Variants in TMEM217B observed in about 807,000 individuals in gnomAD.
TMEM217B encodes the protein transmembrane protein 217B.
the TMEM217B span, among the ~76,000 whole-genome samples, chr6:37,221,466 G>C: frequency 6.6e-6 from 1 of 151,958 alleles, no homozygotes; most frequent in African/African-American, 2.4e-5. Flanking sequence ...GGATTACAGG[G>C]GTGAGCCACC....
the TMEM217B span, among the ~76,000 whole-genome samples, chr6:37,253,999 G>T: frequency 6.6e-6 from 1 of 152,136 alleles, no homozygotes; most frequent in Non-Finnish European, 1.5e-5. Flanking sequence ...TGAAGTTGAG[G>T]GGGGGAAAGT....
At chr6:37,226,866 C>T in the TMEM217B span, among the ~76,000 whole-genome samples, 1 of 152,168 alleles carries the variant, frequency 6.6e-6, no homozygotes, top group South Asian at 2.1e-4. Flanking sequence ...GCACCCAGCC[C>T]AAGATCACCA....
chr6:37,255,808 T>G, the TMEM217B span, among the ~76,000 whole-genome samples: 1 of 151,940 alleles, frequency 6.6e-6, no homozygotes, highest in Non-Finnish European at 1.5e-5. Context: ...AAGATTAGGG[T>G]GACCAAGTGG....
the TMEM217B span, among the ~76,000 whole-genome samples, chr6:37,220,101 T>C: frequency 6.6e-6 from 1 of 152,024 alleles, no homozygotes; most frequent in Non-Finnish European, 1.5e-5. Context: ...AGGAAGAAAA[T>C]AAATAGAAGC....
chr6:37,245,438 T>C, the TMEM217B span, among the ~76,000 whole-genome samples: 1 of 152,242 alleles, frequency 6.6e-6, no homozygotes, highest in African/African-American at 2.4e-5. Context: ...CTTCTTTGCA[T>C]CACAAACTCC....
chr6:37,217,788 GTTAAA>G, the TMEM217B span: 9 of 985,272 alleles, frequency 9.1e-6, no homozygotes, highest in Admixed American at 6.2e-5. Flanking sequence ...TTATCCCAGG[GTTAAA>G]TTAAAGAGTT....
the TMEM217B span, among the ~76,000 whole-genome samples, chr6:37,243,253 G>A: frequency 0.066 from 10,013 of 152,208 alleles, 1,068 homozygotes; most frequent in African/African-American, 0.22. Context: ...TCTGAAACAG[G>A]GCGTTTAGTT....
the TMEM217B span, chr6:37,215,048 G>A: frequency 2.1e-6 from 2 of 933,860 alleles, no homozygotes; most frequent in Non-Finnish European, 3.1e-6. Flanking sequence ...GGAAATGTCT[G>A]TATAAAGCCC....
chr6:37,239,442 T>A, the TMEM217B span, among the ~76,000 whole-genome samples: 5 of 151,672 alleles, frequency 3.3e-5, no homozygotes, highest in Non-Finnish European at 7.4e-5. Flanking sequence ...GCCACTGAAC[T>A]CCAGTCTGGG....
chr6:37,215,139 A>G, the TMEM217B span: 3 of 1,600,724 alleles, frequency 1.9e-6, no homozygotes, highest in Non-Finnish European at 2.6e-6. Context: ...TAATGGCCTA[A>G]CTTCCCTTTC....
chr6:37,232,769 C>T, the TMEM217B span, among the ~76,000 whole-genome samples: 4 of 152,224 alleles, frequency 2.6e-5, no homozygotes, highest in African/African-American at 9.6e-5. Flanking sequence ...GCGGAATCTT[C>T]CATTTATCAT....
the TMEM217B span, among the ~76,000 whole-genome samples, chr6:37,244,392 C>T: frequency 1.3e-5 from 2 of 152,296 alleles, no homozygotes; most frequent in African/African-American, 4.8e-5. Context: ...GGAGAAAAAC[C>T]GTAAACTTCT....
chr6:37,232,230 A>G, the TMEM217B span, among the ~76,000 whole-genome samples: 1 of 152,234 alleles, frequency 6.6e-6, no homozygotes, highest in African/African-American at 2.4e-5. Flanking sequence ...AGAATTAGAG[A>G]TCACAAACAG....
At chr6:37,215,143 C>G in the TMEM217B span, 1 of 1,602,162 alleles carries the variant, frequency 6.2e-7, no homozygotes, top group East Asian at 2.2e-5. Context: ...GGCCTAACTT[C>G]CCTTTCTGCC....
chr6:37,254,486 A>G, the TMEM217B span, among the ~76,000 whole-genome samples: 1 of 152,206 alleles, frequency 6.6e-6, no homozygotes, highest in Non-Finnish European at 1.5e-5. Flanking sequence ...GCTGCAAAAG[A>G]GTTTGAAGAA....
chr6:37,238,306 G>C, the TMEM217B span, among the ~76,000 whole-genome samples: 1 of 152,008 alleles, frequency 6.6e-6, no homozygotes, highest in South Asian at 2.1e-4. Context: ...AAGTATTTTT[G>C]TTATCATTAT....
At chr6:37,236,550 C>T in the TMEM217B span, among the ~76,000 whole-genome samples, 8 of 151,884 alleles carry the variant, frequency 5.3e-5, no homozygotes, top group African/African-American at 7.3e-5. Context: ...GGTTGAGATC[C>T]GCAAATTTGC....
At chr6:37,225,444 G>C in the TMEM217B span, among the ~76,000 whole-genome samples, 8 of 152,204 alleles carry the variant, frequency 5.3e-5, no homozygotes, top group African/African-American at 1.7e-4. Context: ...TGTTTTCTAT[G>C]ACCTAGGATT....
chr6:37,212,979 G>C, the TMEM217B span: 1 of 1,543,952 alleles, frequency 6.5e-7, no homozygotes, highest in African/African-American at 1.4e-5. Context: ...TTTTATACTT[G>C]TTTTACCAGA....
Sources: gnomAD v4.1 joint callset for allele counts (sites outside exome capture counted in the v4.1 genomes callset) on GRCh38, gnomAD v4.1.1 for gene constraint, MANE v1.5 for transcripts, NCBI Gene and HGNC (gene_info 2026-07-23, HGNC 2026-07-21) for gene names.